The following SORCS2 variants were observed in gnomAD, a reference collection of about 807,000 sequenced individuals.
The protein encoded by SORCS2 is sortilin related VPS10 domain containing receptor 2, also known as VPS10 domain-containing receptor SorCS2.
A neutral mutation model predicts 141.6 loss-of-function variants in SORCS2; 100 were observed. The observed-to-expected ratio is 0.71, with a 90% CI of 0.60 to 0.83. The LOEUF is 0.83. Among genes scored for constraint, SORCS2 ranks in the 40% least tolerant of loss-of-function variants. The pLI is 0.00. For synonymous variants in SORCS2, 789 were observed against 676.9 expected (o/e 1.17, Z -2.57); for missense variants, 1,646 against 1,560.2 (o/e 1.05, Z -0.93).
chr4:7,433,939 T>G (rs1274974688), intron 2 of SORCS2: 2 of 1,613,700 alleles, frequency 1.2e-6, no homozygotes, highest in African/African-American at 2.7e-5. Flanking sequence ...GATCATGAGC[T>G]CAGAGCTGTT....
At chr4:7,559,642 A>G (rs573568994) in intron 3 of SORCS2, among the ~76,000 whole-genome samples, 4 of 152,282 alleles carry the variant, frequency 2.6e-5, no homozygotes, top group African/African-American at 9.6e-5. Flanking sequence ...GCACAGGTCC[A>G]AGGGGGCCTG....
intron 2 of SORCS2, among the ~76,000 whole-genome samples, chr4:7,493,774 G>C (rs528159815): frequency 6.6e-6 from 1 of 152,200 alleles, no homozygotes; most frequent in Admixed American, 6.5e-5. Context: ...GGAAGACACC[G>C]CTGCTCAGCC....
intron 1 of SORCS2, among the ~76,000 whole-genome samples, chr4:7,302,169 T>C (rs1717477600): frequency 6.6e-6 from 1 of 152,250 alleles, no homozygotes; most frequent in Admixed American, 6.5e-5. Context: ...CCTGGTCTGA[T>C]GGTGAGATCC....
chr4:7,429,572 G>T (rs1201427780), intron 2 of SORCS2, among the ~76,000 whole-genome samples: 1 of 152,214 alleles, frequency 6.6e-6, no homozygotes, highest in East Asian at 1.9e-4. Flanking sequence ...AAAGACAGAG[G>T]TGTCATGGAA....
At chr4:7,576,248 T>C (rs1052410919) in intron 3 of SORCS2, among the ~76,000 whole-genome samples, 1 of 152,094 alleles carries the variant, frequency 6.6e-6, no homozygotes, top group East Asian at 1.9e-4. Flanking sequence ...GCCCCGGGAG[T>C]CATCGGGAGG....
At chr4:7,683,009 C>T (rs1723626040) in intron 10 of SORCS2, 120 bp downstream of exon 10, 1 of 1,258,678 alleles carries the variant, frequency 7.9e-7, no homozygotes, top group Non-Finnish European at 1.1e-6. Context: ...ACATGAACCA[C>T]CTATTTCTGC....
intron 2 of SORCS2, among the ~76,000 whole-genome samples, chr4:7,526,203 C>T (rs188880069): frequency 5.2e-4 from 80 of 152,388 alleles, no homozygotes; most frequent in African/African-American, 1.8e-3. Flanking sequence ...CCAGGGGTCA[C>T]GTGCCCATCC....
chr4:7,207,342 G>A (rs955900087), intron 1 of SORCS2, among the ~76,000 whole-genome samples: 6 of 152,188 alleles, frequency 3.9e-5, no homozygotes, highest in African/African-American at 1.2e-4. Context: ...AGCCCCTCCC[G>A]CCCACACAGC....
chr4:7,621,527 CTA>C lies in SORCS2; in HGVS notation c.649-16799_649-16798del, dbSNP rs199936451. On this transcript the variant is annotated intron_variant, in intron 3 of 26. Coordinates refer to ENST00000507866, the MANE Select transcript of SORCS2 (RefSeq NM_020777.3). ...TGTGTCTGTATGTTTATGTGTGTGT[CTA>C]TGTGTGAGTATGTGTGTGTGTGTGT... 6.9e-3 allele frequency among the ~76,000 whole-genome samples: 1,013 copies of C among 147,428 alleles called. 4 individuals carry two copies. The highest frequency in any genetic ancestry group is 0.012 in the Admixed American group (185 of 14,864).
chr4:7,281,972 C>G (rs564531146), intron 1 of SORCS2, among the ~76,000 whole-genome samples: 36 of 152,208 alleles, frequency 2.4e-4, no homozygotes, highest in Admixed American at 1.2e-3. Context: ...GGAAACTCCA[C>G]GCACCCACTC....
At chr4:7,402,054 G>A (rs60110806) in intron 2 of SORCS2, among the ~76,000 whole-genome samples, 3,305 of 152,272 alleles carry the variant, frequency 0.022, 98 homozygotes, top group East Asian at 0.082. Context: ...GGGGTCGCAT[G>A]ATTAGTGTGG....
intron 1 of SORCS2, among the ~76,000 whole-genome samples, chr4:7,297,967 C>T (rs1717191495): frequency 6.6e-6 from 1 of 152,222 alleles, no homozygotes; most frequent in Non-Finnish European, 1.5e-5. Flanking sequence ...TTGCAGGCCA[C>T]ATCTGGATAC....
At chr4:7,730,152 AAT>A (rs1279469063) in intron 23 of SORCS2, among the ~76,000 whole-genome samples, 1 of 152,192 alleles carries the variant, frequency 6.6e-6, no homozygotes, top group Non-Finnish European at 1.5e-5. Flanking sequence ...ACTTCTAAGT[AAT>A]AGCCCTCATG....
At chr4:7,534,793 T>TCA (rs1375942568) in intron 3 of SORCS2, among the ~76,000 whole-genome samples, 1 of 152,270 alleles carries the variant, frequency 6.6e-6, no homozygotes, top group Non-Finnish European at 1.5e-5. Context: ...GCCAACACCT[T>TCA]GCCTTCAGCT....
intron 12 of SORCS2, among the ~76,000 whole-genome samples, chr4:7,701,481 G>A (rs1318976443): frequency 2.0e-5 from 3 of 152,236 alleles, no homozygotes; most frequent in Non-Finnish European, 4.4e-5. Context: ...CATGCAGAGA[G>A]CCTGGGTGTA....
At chr4:7,694,930 TCTCTCCTTGAGG>T (rs917563655) in intron 11 of SORCS2, among the ~76,000 whole-genome samples, 6 of 150,630 alleles carry the variant, frequency 4.0e-5, no homozygotes, top group South Asian at 2.1e-4. Flanking sequence ...CCTGCCTGAG[TCTCTCCTTGAGG>T]CTCTCCTTGA....
intron 1 of SORCS2, among the ~76,000 whole-genome samples, chr4:7,358,501 G>A (rs367830026): frequency 2.6e-5 from 4 of 152,226 alleles, no homozygotes; most frequent in Admixed American, 6.5e-5. Flanking sequence ...CCAGGCCCAC[G>A]TGCCAGTGAG....
chr4:7,200,899 C>T (rs1727449392), intron 1 of SORCS2, among the ~76,000 whole-genome samples: 1 of 152,178 alleles, frequency 6.6e-6, no homozygotes, highest in South Asian at 2.1e-4. Flanking sequence ...TCACTTGCAT[C>T]TTCACTGTCT....
intron 3 of SORCS2, among the ~76,000 whole-genome samples, chr4:7,580,774 G>A (rs1197341085): frequency 6.6e-6 from 1 of 152,144 alleles, no homozygotes; most frequent in Non-Finnish European, 1.5e-5. Context: ...GAACCCTTGA[G>A]TAGGGAGAAT....
Sources: allele counts gnomAD v4.1 joint callset (sites outside exome capture counted in the v4.1 genomes callset), GRCh38; gene constraint gnomAD v4.1.1; transcripts MANE v1.5; gene names NCBI Gene and HGNC (gene_info 2026-07-23, HGNC 2026-07-21).